PDE3A: variants seen among roughly 807,000 people sequenced by gnomAD.
The protein encoded by PDE3A is cGMP-inhibited 3',5'-cyclic phosphodiesterase 3A.
Under a neutral mutation model 98.3 loss-of-function variants are expected in PDE3A, and 43 were observed. The observed-to-expected ratio is 0.44, with a 90% confidence interval of 0.34 to 0.56. The LOEUF is 0.56. Among genes scored for constraint, PDE3A ranks in the 20% least tolerant of loss-of-function variants. The probability of loss-of-function intolerance (pLI) is 0.01; values close to 1 mark genes in which losing one functional copy is unlikely to be tolerated. For missense variants in PDE3A, 1,427 were observed against 1,440.7 expected (o/e 0.99, Z 0.15); for synonymous variants, 663 against 567.9 (o/e 1.17, Z -2.38).
intron 1 of PDE3A, among the ~76,000 whole-genome samples, chr12:20,555,814 G>T (rs1319465252): frequency 6.6e-6 from 1 of 152,100 alleles, no homozygotes; most frequent in East Asian, 1.9e-4. Context: ...TATTATTTTT[G>T]TTGCTATTGT....
intron 2 of PDE3A, among the ~76,000 whole-genome samples, chr12:20,584,435 T>C (rs551739048): frequency 9.2e-5 from 14 of 152,338 alleles, no homozygotes; most frequent in African/African-American, 3.1e-4. Context: ...AGAATGTTTC[T>C]ATTTATAAAG....
intron 1 of PDE3A, among the ~76,000 whole-genome samples, chr12:20,515,803 G>A (rs1946310097): frequency 6.7e-6 from 1 of 150,032 alleles, no homozygotes; most frequent in Non-Finnish European, 1.5e-5. Flanking sequence ...CGGGATCTCG[G>A]CTCACTGCAA....
intron 1 of PDE3A, among the ~76,000 whole-genome samples, chr12:20,479,388 C>T (rs1391547982): frequency 1.3e-5 from 2 of 152,134 alleles, no homozygotes; most frequent in Non-Finnish European, 2.9e-5. Flanking sequence ...TTACACCACT[C>T]CTCCTTGATC....
chr12:20,572,341 A>G (rs546583282), intron 2 of PDE3A, among the ~76,000 whole-genome samples: 1 of 152,254 alleles, frequency 6.6e-6, no homozygotes, highest in East Asian at 1.9e-4. Context: ...AATGAGTTAT[A>G]AAAATATGAC....
chr12:20,493,448 T>C (rs1945862275), intron 1 of PDE3A, among the ~76,000 whole-genome samples: 1 of 152,224 alleles, frequency 6.6e-6, no homozygotes, highest in African/African-American at 2.4e-5. Flanking sequence ...ATTTAAAGCA[T>C]ATGAAAGGAT....
At chr12:20,434,581 A>G (rs1944750381) in intron 1 of PDE3A, among the ~76,000 whole-genome samples, 1 of 152,190 alleles carries the variant, frequency 6.6e-6, no homozygotes. Context: ...AGTATAGTGT[A>G]GTGGCAGGGA....
intron 2 of PDE3A, among the ~76,000 whole-genome samples, chr12:20,589,777 G>A (rs1943285706): frequency 1.3e-5 from 2 of 151,344 alleles, no homozygotes; most frequent in Admixed American, 6.6e-5. Context: ...GCTGAGGCAG[G>A]AGAACGGCAT....
chr12:20,498,444 C>A (rs536630314), intron 1 of PDE3A, among the ~76,000 whole-genome samples: 2 of 152,082 alleles, frequency 1.3e-5, no homozygotes, highest in Admixed American at 1.3e-4. Context: ...ATTCCCTAGA[C>A]AGCAGACTAT....
chr12:20,510,676 A>G (rs999952659), intron 1 of PDE3A, among the ~76,000 whole-genome samples: 1 of 152,080 alleles, frequency 6.6e-6, no homozygotes, highest in Non-Finnish European at 1.5e-5. Flanking sequence ...AACATGGGGT[A>G]GAGATGAATG....
At chr12:20,623,004 ATTTAAAAATTTACATAT>A (rs541239226) in intron 5 of PDE3A, among the ~76,000 whole-genome samples, 4 of 152,258 alleles carry the variant, frequency 2.6e-5, no homozygotes, top group Non-Finnish European at 5.9e-5. Context: ...TTAAAATTTA[ATTTAAAAATTTACATAT>A]TTAAGGAAAA....
chr12:20,510,707 G>C (rs998779603), intron 1 of PDE3A, among the ~76,000 whole-genome samples: 10 of 152,080 alleles, frequency 6.6e-5, no homozygotes, highest in South Asian at 2.1e-4. Context: ...TGTAGAAATA[G>C]AAGATACAGA....
intron 1 of PDE3A, among the ~76,000 whole-genome samples, chr12:20,406,492 T>C (rs1288394436): frequency 6.6e-6 from 1 of 152,214 alleles, no homozygotes; most frequent in African/African-American, 2.4e-5. Flanking sequence ...GTTGAGCACC[T>C]TTTCATGTAC....
At chr12:20,469,368 C>A (rs1168340070) in intron 1 of PDE3A, among the ~76,000 whole-genome samples, 1 of 152,158 alleles carries the variant, frequency 6.6e-6, no homozygotes, top group Non-Finnish European at 1.5e-5. Context: ...CTGCCAGTTT[C>A]ATGTCTGTCA....
intron 8 of PDE3A, among the ~76,000 whole-genome samples, chr12:20,636,713 C>G (rs1246051000): frequency 1.3e-5 from 2 of 152,076 alleles, no homozygotes; most frequent in Non-Finnish European, 2.9e-5. Flanking sequence ...ATTTACATGA[C>G]TATGTAGAGA....
chr12:20,646,683 AAG>A, intron 11 of PDE3A, 66 bp from the exon 12 acceptor site: 1 of 1,423,938 alleles, frequency 7.0e-7, no homozygotes, highest in Non-Finnish European at 9.9e-7. Context: ...TTCAAAAAGA[AAG>A]AAGTCAAGAC....
chr12:20,477,159 G>A (rs956981998), intron 1 of PDE3A, among the ~76,000 whole-genome samples: 1 of 152,106 alleles, frequency 6.6e-6, no homozygotes, highest in African/African-American at 2.4e-5. Flanking sequence ...GTACAAAAAA[G>A]GAAAGACATG....
chr12:20,663,320 T>C lies in PDE3A; in HGVS notation c.3184+9115T>C, dbSNP rs145386845. On this transcript the variant is annotated intron_variant, in intron 15 of 15. Transcript: ENST00000359062. Reference sequence around the variant, plus strand: ...CCACACAGAGTTCCTACTGGTGCACTGCACAGTGGAGCTGTAAGAAGAGGG... The same window carrying C: ...CCACACAGAGTTCCTACTGGTGCACCGCACAGTGGAGCTGTAAGAAGAGGG... Among the ~76,000 whole-genome samples, 9 of 152,320 alleles carry C rather than the reference T, an allele frequency of 5.9e-5. 1 individual carries two copies. The highest frequency in any genetic ancestry group is 2.2e-4 in the African/African-American group (9 of 41,574).
intron 15 of PDE3A, among the ~76,000 whole-genome samples, chr12:20,656,004 A>G (rs934600869): frequency 1.3e-5 from 2 of 152,190 alleles, no homozygotes; most frequent in African/African-American, 4.8e-5. Context: ...ATTTTTATTT[A>G]TGCCTCTAAA....
intron 15 of PDE3A, among the ~76,000 whole-genome samples, chr12:20,679,056 A>G (rs959617208): frequency 3.3e-5 from 5 of 152,194 alleles, no homozygotes; most frequent in Non-Finnish European, 7.3e-5. Flanking sequence ...GAAAGAGATT[A>G]TTTCTTAGAA....
Sources: allele counts gnomAD v4.1 joint callset (sites outside exome capture counted in the v4.1 genomes callset), GRCh38; gene constraint gnomAD v4.1.1; transcripts MANE v1.5; gene names NCBI Gene and HGNC (gene_info 2026-07-23, HGNC 2026-07-21).